The following LARP4 variants were observed in gnomAD, a reference collection of about 807,000 sequenced individuals.
LARP4 encodes la-related protein 4.
In LARP4, 29 loss-of-function variants were observed where a neutral mutation model predicts 92.9. The observed-to-expected ratio is 0.31, with a 90% CI of 0.23 to 0.43. LARP4 has a LOEUF of 0.43. Among genes scored for constraint, LARP4 ranks in the 20% least tolerant of loss-of-function variants. LARP4 has a pLI of 1.00. For synonymous variants in LARP4, 279 were observed against 284.1 expected (o/e 0.98, Z 0.18); for missense variants, 732 against 860.0 (o/e 0.85, Z 1.86).
At chr12:50,407,748 T>C (rs1265277322) in intron 1 of LARP4, among the ~76,000 whole-genome samples, 9 of 151,948 alleles carry the variant, frequency 5.9e-5, no homozygotes, top group Non-Finnish European at 1.3e-4. Context: ...GAGGCACACC[T>C]TGAAGCAGAG....
At chr12:50,426,058 CTG>C (rs1948660983) in intron 1 of LARP4, among the ~76,000 whole-genome samples, 1 of 152,164 alleles carries the variant, frequency 6.6e-6, no homozygotes, top group Non-Finnish European at 1.5e-5. Flanking sequence ...CCTCCACCCA[CTG>C]TACCCAATTG....
intron 3 of LARP4, 50 bp downstream of exon 3, chr12:50,429,140 C>G (rs1276764505): frequency 7.4e-7 from 1 of 1,360,464 alleles, no homozygotes; most frequent in Non-Finnish European, 1.0e-6. Context: ...ACAGGACACC[C>G]CCCACCCATG....
rs1024676950 is a variant in LARP4 at position 50,476,852 on chromosome 12, A to G, written c.*988A>G. On this transcript the variant is annotated 3_prime_UTR_variant, in exon 16 of 16. Coordinates refer to ENST00000398473, the MANE Select transcript of LARP4 (RefSeq NM_052879.5). ...CTAGTCAAATCATATAAATTGTTCT[A>G]AATTTCAGAATTGAACATTGAAGTA... The G allele has an allele frequency of 1.3e-5, 2 of 152,526 alleles. No individual in the cohort carries two copies. 9.4% of individuals were successfully genotyped at this position (152,526 alleles called of 1,614,324 possible).
At chr12:50,403,468 C>T (rs1565916591) in intron 1 of LARP4, among the ~76,000 whole-genome samples, 1 of 152,068 alleles carries the variant, frequency 6.6e-6, no homozygotes, top group African/African-American at 2.4e-5. Flanking sequence ...ATATTGTTAA[C>T]GTATTGCTAT....
At chr12:50,433,899 C>G (rs1330710856) in intron 4 of LARP4, among the ~76,000 whole-genome samples, 2 of 152,136 alleles carry the variant, frequency 1.3e-5, no homozygotes, top group African/African-American at 4.8e-5. Flanking sequence ...CTTTGCCTCC[C>G]AAAGTGCTGG....
chr12:50,440,501 C>G lies in LARP4; in HGVS notation c.702C>G (p.His234Gln). The change falls in exon 7 of 16, where the codon CAC (histidine) becomes CAG (glutamine). Residue 234 changes from histidine (H) to glutamine (Q), a missense_variant. Transcript: ENST00000398473. ...AAGTGATAAGCTGTGAGTTTGCACA[C>G]AATAGCAACTGGTATATCACTTTCC... is the stretch of plus-strand genomic sequence containing the variant. ...CPKVISCEFA[H>Q]NSNWYITFQS... 1 of 1,613,800 alleles carries G rather than the reference C, an allele frequency of 6.2e-7. No individual in the cohort carries two copies. The highest frequency in any genetic ancestry group is 8.5e-7 in the Non-Finnish European group (1 of 1,179,780).
intron 1 of LARP4, chr12:50,421,201 G>T: frequency 1.4e-6 from 1 of 693,252 alleles, no homozygotes; most frequent in Non-Finnish European, 1.8e-6. Context: ...TGCCCGCCTT[G>T]GCCTCTCAAA....
At chr12:50,435,746 G>T in intron 5 of LARP4, 122 bp downstream of exon 5, 6 of 677,468 alleles carry the variant, frequency 8.9e-6, no homozygotes, top group South Asian at 2.5e-5. Flanking sequence ...TTGTTGTTTT[G>T]TTCCGAATTC....
intron 5 of LARP4, among the ~76,000 whole-genome samples, chr12:50,437,342 T>C (rs551772626): frequency 6.6e-6 from 1 of 152,142 alleles, no homozygotes; most frequent in Non-Finnish European, 1.5e-5. Context: ...GATTTCATTA[T>C]ACTCCTCAAC....
intron 12 of LARP4, among the ~76,000 whole-genome samples, chr12:50,464,143 T>C (rs889699300): frequency 1.4e-4 from 21 of 152,162 alleles, no homozygotes; most frequent in African/African-American, 4.6e-4. Context: ...GTTAAGCCGT[T>C]CTCACATTGC....
intron 13 of LARP4, among the ~76,000 whole-genome samples, chr12:50,468,199 C>T (rs1030784528): frequency 6.6e-6 from 1 of 152,142 alleles, no homozygotes; most frequent in Non-Finnish European, 1.5e-5. Flanking sequence ...AGGCTGGTCT[C>T]AAACTCCTGA....
At chr12:50,461,023 A>T in intron 10 of LARP4, 112 bp from the exon 11 acceptor site, 7 of 761,076 alleles carry the variant, frequency 9.2e-6, no homozygotes, top group Non-Finnish European at 1.6e-5. Context: ...TTTTGTGTTT[A>T]ACTTAATTTT....
intron 10 of LARP4, among the ~76,000 whole-genome samples, chr12:50,457,960 G>GT (rs1954628746): frequency 6.9e-6 from 1 of 144,220 alleles, no homozygotes; most frequent in South Asian, 2.2e-4. Context: ...TTAAGACAGT[G>GT]TTTTGCCCTG....
At chr12:50,421,337 A>G in intron 1 of LARP4, 1 of 963,410 alleles carries the variant, frequency 1.0e-6, no homozygotes, top group Non-Finnish European at 1.2e-6. Context: ...TATGACTCAA[A>G]GCAGCATTTT....
intron 1 of LARP4, among the ~76,000 whole-genome samples, chr12:50,405,660 TAA>T (rs1165852307): frequency 6.6e-6 from 1 of 151,744 alleles, no homozygotes; most frequent in South Asian, 2.1e-4. Flanking sequence ...TTTGTTTAAA[TAA>T]AAAAAATTAA....
At chr12:50,410,868 T>C (rs1406963894) in intron 1 of LARP4, among the ~76,000 whole-genome samples, 2 of 152,184 alleles carry the variant, frequency 1.3e-5, no homozygotes, top group Non-Finnish European at 1.5e-5. Context: ...TGACAGATAC[T>C]GTCTGATTGA....
chr12:50,431,035 C>T (rs968587275), intron 4 of LARP4, among the ~76,000 whole-genome samples: 4 of 151,542 alleles, frequency 2.6e-5, no homozygotes, highest in South Asian at 4.2e-4. Flanking sequence ...TGGGAGGCTT[C>T]GGTGGCTGGA....
At chr12:50,465,369 C>T (rs1294676096) in intron 12 of LARP4, among the ~76,000 whole-genome samples, 1 of 60,954 alleles carries the variant, frequency 1.6e-5, no homozygotes, top group African/African-American at 3.3e-5. Flanking sequence ...CAGACTCTGT[C>T]TCAAAAAAAA....
intron 11 of LARP4, chr12:50,461,627 C>T (rs947623114): frequency 1.4e-5 from 5 of 346,172 alleles, no homozygotes; most frequent in African/African-American, 6.6e-5. Context: ...TTAACATATC[C>T]ATTTGCCTTA....
Sources: allele counts gnomAD v4.1 joint callset (sites outside exome capture counted in the v4.1 genomes callset), GRCh38; gene constraint gnomAD v4.1.1; transcripts MANE v1.5; gene names NCBI Gene and HGNC (gene_info 2026-07-23, HGNC 2026-07-21).